Variants in PTDSS1 observed in about 807,000 individuals in gnomAD.
The protein encoded by PTDSS1 is phosphatidylserine synthase 1.
PTDSS1 carries 45 observed loss-of-function variants against 70.5 expected under a neutral mutation model. The ratio of observed to expected loss-of-function variants is 0.64; its 90% CI spans 0.50 to 0.82. PTDSS1 has a LOEUF of 0.82. Among genes scored for constraint, PTDSS1 ranks in the 40% least tolerant of loss-of-function variants. The pLI, the probability that PTDSS1 is intolerant of heterozygous loss-of-function variation, is 0.00. For missense variants in PTDSS1, 417 were observed against 586.1 expected (o/e 0.71, Z 2.98); for synonymous variants, 188 against 203.8 (o/e 0.92, Z 0.66).
intron 2 of PTDSS1, among the ~76,000 whole-genome samples, chr8:96,279,821 A>G (rs1810709445): frequency 2.2e-5 from 1 of 45,234 alleles, no homozygotes; most frequent in African/African-American, 1.2e-4. Context: ...TCCATCTCAA[A>G]TAAATAAATA....
At chr8:96,306,020 A>G (rs1586200110) in intron 7 of PTDSS1, among the ~76,000 whole-genome samples, 1 of 152,186 alleles carries the variant, frequency 6.6e-6, no homozygotes, top group African/African-American at 2.4e-5. Context: ...ACTTATCTAC[A>G]TTTGGAATTC....
chr8:96,303,386 C>G (rs1271871248), intron 6 of PTDSS1, among the ~76,000 whole-genome samples: 1 of 152,160 alleles, frequency 6.6e-6, no homozygotes, highest in Non-Finnish European at 1.5e-5. Context: ...GTGCTTGTGC[C>G]TCCAACCACT....
chr8:96,315,734 C>T (rs1297342562), intron 9 of PTDSS1, among the ~76,000 whole-genome samples: 3 of 152,146 alleles, frequency 2.0e-5, no homozygotes, highest in Admixed American at 1.3e-4. Context: ...TGCCTTTTAA[C>T]CCTGCTAAAC....
At chr8:96,281,417 C>A (rs1241965724) in intron 2 of PTDSS1, among the ~76,000 whole-genome samples, 1 of 152,090 alleles carries the variant, frequency 6.6e-6, no homozygotes, top group Non-Finnish European at 1.5e-5. Context: ...GAAAGGGTCA[C>A]CTTACATTCC....
intron 2 of PTDSS1, 99 bp from the exon 3 acceptor site, chr8:96,284,009 CT>C: frequency 1.1e-6 from 1 of 939,362 alleles, no homozygotes; most frequent in Middle Eastern, 2.3e-4. Flanking sequence ...CAGTAGAGAG[CT>C]TTTTCTTCTT....
chr8:96,284,131 A>T lies in PTDSS1; in HGVS notation c.294A>T (p.Pro98=). ...CAGGTCCGTTCACTCGACCTCATCC[A>T]GCCTTATGGCGAATGGTTTTTGGTG... ...FPNGPFTRPH[P]ALWRMVFGLS... is the part of the protein sequence containing the mutation. The change falls in exon 3 of 13, where the codon CCA becomes CCT. Residue 98 remains proline, a synonymous_variant. Transcript: ENST00000517309. 6.2e-7 allele frequency: 1 copy of T among 1,610,530 alleles called. No homozygotes were observed. The highest frequency in any genetic ancestry group is 8.5e-7 in the Non-Finnish European group (1 of 1,177,276).
chr8:96,313,580 G>A (rs1193030557), intron 9 of PTDSS1, among the ~76,000 whole-genome samples: 2 of 152,222 alleles, frequency 1.3e-5, no homozygotes, highest in African/African-American at 2.4e-5. Flanking sequence ...GTGGCCAAGC[G>A]TCGGCTGAAC....
At chr8:96,267,600 A>G (rs1810506282) in intron 1 of PTDSS1, among the ~76,000 whole-genome samples, 2 of 152,208 alleles carry the variant, frequency 1.3e-5, no homozygotes, top group South Asian at 4.1e-4. Flanking sequence ...CTTAGCTGTA[A>G]TTCTTCACAA....
At position 96,309,555 on chromosome 8, in the gene PTDSS1, A is replaced by C; in HGVS notation, c.1008-2A>C. The C allele has an allele frequency of 6.2e-7, 1 of 1,613,040 alleles. No homozygotes were observed. The highest frequency in any genetic ancestry group is 8.5e-7 in the Non-Finnish European group (1 of 1,179,236). Reference sequence around the variant, plus strand: ...CAATGAATTCCAACTTTGTTCTTTCAGACAGTACTACGCTTACCTCACCGA... The same window carrying C: ...CAATGAATTCCAACTTTGTTCTTTCCGACAGTACTACGCTTACCTCACCGA... On this transcript the variant is annotated splice_acceptor_variant, in intron 8 of 12. Coordinates refer to ENST00000517309, the MANE Select transcript of PTDSS1 (RefSeq NM_014754.3). LOFTEE classifies it high-confidence loss of function.
chr8:96,278,312 G>A (rs1299333800), intron 2 of PTDSS1, among the ~76,000 whole-genome samples: 1 of 152,216 alleles, frequency 6.6e-6, no homozygotes, highest in African/African-American at 2.4e-5. Flanking sequence ...AAGAATGACA[G>A]GGGACTAGGA....
intron 2 of PTDSS1, 129 bp from the exon 3 acceptor site, chr8:96,283,980 A>C: frequency 1.4e-6 from 1 of 711,220 alleles, no homozygotes; most frequent in Non-Finnish European, 2.3e-6. Flanking sequence ...TTATGTAGAA[A>C]AAAAAAAAAA....
chr8:96,310,372 T>C (rs1811192340), intron 9 of PTDSS1, among the ~76,000 whole-genome samples: 2 of 151,128 alleles, frequency 1.3e-5, no homozygotes, highest in South Asian at 2.1e-4. Context: ...ACCGTGTTGG[T>C]CAGGCTGGTT....
intron 2 of PTDSS1, among the ~76,000 whole-genome samples, chr8:96,283,088 C>G (rs1293270343): frequency 6.6e-6 from 1 of 152,236 alleles, no homozygotes; most frequent in Non-Finnish European, 1.5e-5. Flanking sequence ...CTGCCTACTG[C>G]CCCTACTGGC....
chr8:96,322,993 A>T (rs1811393001), intron 10 of PTDSS1, among the ~76,000 whole-genome samples: 3 of 152,276 alleles, frequency 2.0e-5, no homozygotes. Context: ...CATAGGATAG[A>T]CATTGCAAAT....
intron 7 of PTDSS1, among the ~76,000 whole-genome samples, chr8:96,305,456 A>G (rs1043405767): frequency 1.3e-5 from 2 of 152,174 alleles, no homozygotes; most frequent in African/African-American, 4.8e-5. Flanking sequence ...GCTGGGCTCT[A>G]GGCAGAGAGC....
Position 96,306,565 on chromosome 8 carries a change from G to A in PTDSS1, c.1007+9G>A, listed in dbSNP as rs776129942. 2 of 1,576,832 alleles carry A rather than the reference G, an allele frequency of 1.3e-6. No individual in the cohort carries two copies. Among genetic ancestry groups the A allele is most frequent in the African/African-American group, 1.4e-5 (1 of 74,052 alleles). The stretch of plus-strand genomic sequence containing the variant: ...ACAGCTCCCACAGTGAGGTAATTCT[G>A]CACAAGCCTGACTGTCATATGAGAA... On this transcript the variant is annotated intron_variant, in intron 8 of 12. Coordinates refer to ENST00000517309, the MANE Select transcript of PTDSS1 (RefSeq NM_014754.3).
chr8:96,324,163 T>C (rs1025436001), intron 10 of PTDSS1, among the ~76,000 whole-genome samples: 3 of 152,228 alleles, frequency 2.0e-5, no homozygotes, highest in African/African-American at 7.2e-5. Flanking sequence ...CAGAGTGGCC[T>C]TGACTGTTCA....
chr8:96,309,367 C>T lies in PTDSS1; in HGVS notation c.1008-190C>T. 8.0e-6 allele frequency: 4 copies of T among 498,004 alleles called. No homozygotes were observed. In the East Asian group the frequency reaches 1.2e-4, roughly 15 times the overall value. 30.8% of individuals were successfully genotyped at this position (498,004 alleles called of 1,614,324 possible). On this transcript the variant is annotated intron_variant, in intron 8 of 12. Transcript: ENST00000517309. ...TGATGCTCCCCTGCCTCCAGCCTAACCCAAACGCTGAATCTCTTACAGGAA... is the reference window on the plus strand; with the variant it reads ...TGATGCTCCCCTGCCTCCAGCCTAATCCAAACGCTGAATCTCTTACAGGAA...
At chr8:96,283,989 A>G (rs567519099) in intron 2 of PTDSS1, 120 bp from the exon 3 acceptor site, 1 of 770,174 alleles carries the variant, frequency 1.3e-6, no homozygotes, top group Non-Finnish European at 2.1e-6. Context: ...AAAAAAAAAA[A>G]AACTTTTAAC....
Sources: allele counts gnomAD v4.1 joint callset (sites outside exome capture counted in the v4.1 genomes callset), GRCh38; gene constraint gnomAD v4.1.1; transcripts MANE v1.5; gene names NCBI Gene and HGNC (gene_info 2026-07-23, HGNC 2026-07-21).